TBC1D5: variants seen among roughly 807,000 people sequenced by gnomAD.
TBC1D5 encodes the protein TBC1 domain family member 5, also known as TBC1 domain family, member 5.
A neutral mutation model predicts 100.3 loss-of-function variants in TBC1D5; 75 were observed. The ratio of observed to expected loss-of-function variants is 0.75; its 90% confidence interval spans 0.62 to 0.91. The LOEUF is 0.91. TBC1D5 is among the 40% of genes least tolerant of loss of function. The pLI, the probability that TBC1D5 is intolerant of heterozygous loss-of-function variation, is 0.00. For missense variants in TBC1D5, 910 were observed against 942.4 expected, an observed-to-expected ratio of 0.97 and a Z score of 0.45; for synonymous variants, 323 against 325.6, an observed-to-expected ratio of 0.99 and a Z score of 0.09.
At position 17,472,640 on chromosome 3, in the gene TBC1D5, G is replaced by C. The variant is rs537542798; in HGVS notation, c.97+35834C>G. Among the ~76,000 whole-genome samples, 33 of 152,228 alleles carry C rather than the reference G, an allele frequency of 2.2e-4. No homozygotes were observed. The South Asian group carries it at 5.6e-3, about 26-fold the overall frequency. ...TTACTGTCAGTCTTTCACTAGAATT[G>C]TAACCTTCAAAGCAAAGGCTATAGT... On this transcript the variant is annotated intron_variant, in intron 3 of 21. Coordinates refer to ENST00000253692, the Ensembl canonical transcript of TBC1D5.
intron 2 of TBC1D5, among the ~76,000 whole-genome samples, chr3:17,554,911 G>A (rs1001335281): frequency 2.6e-5 from 4 of 151,132 alleles, no homozygotes; most frequent in Non-Finnish European, 5.9e-5. Flanking sequence ...GTGCAGTGGC[G>A]CGATCTTGGC....
intron 1 of TBC1D5, among the ~76,000 whole-genome samples, chr3:17,712,244 A>G (rs1338083850): frequency 6.6e-6 from 1 of 152,218 alleles, no homozygotes; most frequent in Non-Finnish European, 1.5e-5. Flanking sequence ...TGCTTAGCCC[A>G]AAGTGACAAC....
intron 2 of TBC1D5, among the ~76,000 whole-genome samples, chr3:17,519,233 C>A (rs763178814): frequency 1.3e-5 from 2 of 152,176 alleles, no homozygotes; most frequent in African/African-American, 4.8e-5. Flanking sequence ...AAACACATGG[C>A]TTATAGACCT....
chr3:17,413,464 A>G (rs2093988528), intron 4 of TBC1D5, among the ~76,000 whole-genome samples: 1 of 152,218 alleles, frequency 6.6e-6, no homozygotes, highest in Non-Finnish European at 1.5e-5. Context: ...AAGCAATCAG[A>G]ATATGTAGTG....
chr3:17,258,593 T>TAA lies in TBC1D5; in HGVS notation c.1246-4_1246-3dup. The TAA allele has an allele frequency of 3.2e-6, 5 of 1,578,350 alleles. No individual in the cohort carries two copies. Among genetic ancestry groups the TAA allele is most frequent in the Non-Finnish European group, 4.3e-6 (5 of 1,155,098 alleles). ...ATAAGTCACTGGTCTTGGATTTCTC[T>TAA]AAAAAAAAATACATTTTTAAAAAGC... On this transcript the variant is annotated splice_polypyrimidine_tract_variant and splice_region_variant and intron_variant, in intron 15 of 21. Transcript: ENST00000253692.
intron 14 of TBC1D5, among the ~76,000 whole-genome samples, chr3:17,296,192 G>A (rs2082237751): frequency 6.6e-6 from 1 of 152,088 alleles, no homozygotes; most frequent in African/African-American, 2.4e-5. Context: ...AAATAATCAT[G>A]GATTAAGTAT....
chr3:17,482,921 A>G (rs1576280375), intron 3 of TBC1D5, among the ~76,000 whole-genome samples: 3 of 152,090 alleles, frequency 2.0e-5, no homozygotes, highest in Admixed American at 2.0e-4. Flanking sequence ...TATGTCCTAC[A>G]TGCCCTCAGT....
intron 3 of TBC1D5, among the ~76,000 whole-genome samples, chr3:17,443,123 C>G (rs983116135): frequency 6.6e-6 from 1 of 152,022 alleles, no homozygotes; most frequent in Non-Finnish European, 1.5e-5. Flanking sequence ...AAACAGATAC[C>G]AACCCAGAGA....
chr3:17,563,853 G>A (rs533879606), intron 2 of TBC1D5, among the ~76,000 whole-genome samples: 1 of 152,306 alleles, frequency 6.6e-6, no homozygotes, highest in South Asian at 2.1e-4. Flanking sequence ...CTTGATCTCA[G>A]CTCTCTGCAA....
rs548507281 is a variant in TBC1D5 at position 17,286,478 on chromosome 3, C to T, written c.1245+5417G>A. On this transcript the variant is annotated intron_variant, in intron 15 of 21. Transcript: ENST00000253692. ...GATTGTCCTCCTTCTATCCCTCTAACTTCATCTCATGGATTGTTTTTGGAA... is the reference window on the plus strand; with the variant it reads ...GATTGTCCTCCTTCTATCCCTCTAATTTCATCTCATGGATTGTTTTTGGAA... Among the ~76,000 whole-genome samples, 21 of 152,282 alleles carry T rather than the reference C, an allele frequency of 1.4e-4. No individual in the cohort carries two copies. In the South Asian group the frequency reaches 3.3e-3, roughly 24 times the overall value.
chr3:17,295,720 A>G (rs1364043864), intron 14 of TBC1D5, among the ~76,000 whole-genome samples: 1 of 152,230 alleles, frequency 6.6e-6, no homozygotes, highest in Non-Finnish European at 1.5e-5. Flanking sequence ...CTTTCTCAGC[A>G]TAATAAAACA....
intron 1 of TBC1D5, among the ~76,000 whole-genome samples, chr3:17,641,372 C>T (rs544558201): frequency 2.6e-5 from 4 of 152,000 alleles, no homozygotes; most frequent in Admixed American, 6.6e-5. Context: ...AGCATGAGTT[C>T]TAGAGCCAAA....
In TBC1D5 at chr3:17,492,777, A is replaced by T. The variant is rs190452969; in HGVS notation, c.97+15697T>A. 3.0e-4 allele frequency among the ~76,000 whole-genome samples: 46 copies of T among 152,258 alleles called. No homozygotes were observed. In the East Asian group the frequency reaches 8.7e-3, roughly 29 times the overall value. On this transcript the variant is annotated intron_variant, in intron 3 of 21. Coordinates refer to ENST00000253692, the Ensembl canonical transcript of TBC1D5. The stretch of plus-strand genomic sequence containing the variant: ...ACACTGCTTCAGCTGCGTCCCAGAG[A>T]TTCTGGTACATTGTCTCTTTTCTCA...
chr3:17,360,121 C>T (rs1382191677), intron 13 of TBC1D5, among the ~76,000 whole-genome samples: 1 of 152,002 alleles, frequency 6.6e-6, no homozygotes, highest in Non-Finnish European at 1.5e-5. Flanking sequence ...ATCACTGTTA[C>T]TAAACCACAT....
chr3:17,423,434 G>T (rs1050472037), intron 4 of TBC1D5, among the ~76,000 whole-genome samples: 1 of 152,024 alleles, frequency 6.6e-6, no homozygotes, highest in Admixed American at 6.6e-5. Context: ...AAGTATCTGT[G>T]TATCTTTTTA....
intron 3 of TBC1D5, among the ~76,000 whole-genome samples, chr3:17,489,411 C>T (rs73153050): frequency 0.061 from 9,221 of 152,124 alleles, 539 homozygotes; most frequent in African/African-American, 0.15. Context: ...GGTTGAAAAA[C>T]TAAATACACT....
At chr3:17,169,327 T>C (rs546055490) in intron 19 of TBC1D5, among the ~76,000 whole-genome samples, 1 of 152,162 alleles carries the variant, frequency 6.6e-6, no homozygotes, top group Non-Finnish European at 1.5e-5. Context: ...TAAATGAACA[T>C]GAAAAAACAC....
chr3:17,356,183 C>G (rs1173747173), intron 13 of TBC1D5, among the ~76,000 whole-genome samples: 1 of 152,144 alleles, frequency 6.6e-6, no homozygotes, highest in Non-Finnish European at 1.5e-5. Flanking sequence ...TAAGTGCCAT[C>G]TAATCCAATC....
chr3:17,506,805 A>G (rs903705322), intron 3 of TBC1D5, among the ~76,000 whole-genome samples: 2 of 152,134 alleles, frequency 1.3e-5, no homozygotes, highest in Non-Finnish European at 2.9e-5. Context: ...GAAATAGACC[A>G]TATAAAAATA....
Sources: gnomAD v4.1 joint callset for allele counts (sites outside exome capture counted in the v4.1 genomes callset) on GRCh38, gnomAD v4.1.1 for gene constraint, MANE v1.5 for transcripts, NCBI Gene and HGNC (gene_info 2026-07-23, HGNC 2026-07-21) for gene names.